The following MTG2 variants were observed in gnomAD, a reference collection of about 807,000 sequenced individuals.
The protein encoded by MTG2 is mitochondrial ribosome associated GTPase 2.
A neutral mutation model predicts 28.6 loss-of-function variants in MTG2; 23 were observed. That is an observed-to-expected ratio of 0.80 (90% CI 0.58 to 1.14). The LOEUF is 1.14. Ranked by LOEUF, MTG2 falls within the 50% of genes most tolerant of loss-of-function variation. The pLI is 0.00. For missense variants in MTG2, 539 were observed against 552.0 expected (o/e 0.98, Z 0.24); for synonymous variants, 260 against 251.8 (o/e 1.03, Z -0.31).
chr20:62,198,898 GA>G, intron 5 of MTG2, 46 bp downstream of exon 5: 2 of 1,609,286 alleles, frequency 1.2e-6, no homozygotes, highest in Non-Finnish European at 1.7e-6. Context: ...CTCAGCTCTA[GA>G]AAATCCACTT....
intron 3 of MTG2, 26 bp from the exon 4 acceptor site, chr20:62,197,826 G>A: frequency 6.2e-7 from 1 of 1,602,600 alleles, no homozygotes; most frequent in Non-Finnish European, 8.5e-7. Context: ...AACACAAAGG[G>A]ACTGAGATTC....
intron 3 of MTG2, chr20:62,197,299 A>G: frequency 6.6e-6 from 1 of 152,200 alleles, no homozygotes; most frequent in East Asian, 1.9e-4. Context: ...TGGGAGGCTG[A>G]GGCACGAGAA....
At chr20:62,184,084 C>A (rs991490608) in intron 1 of MTG2, among the ~76,000 whole-genome samples, 1 of 152,226 alleles carries the variant, frequency 6.6e-6, no homozygotes, top group Admixed American at 6.5e-5. Context: ...TTCCGCTGGG[C>A]GCGGTGGCTC....
chr20:62,196,345 C>A, intron 3 of MTG2, among the ~76,000 whole-genome samples: 1 of 143,860 alleles, frequency 7.0e-6, no homozygotes, highest in Non-Finnish European at 1.5e-5. Flanking sequence ...GGTGACAGAG[C>A]AATACCCTAT....
At chr20:62,196,711 G>A (rs535868304) in intron 3 of MTG2, among the ~76,000 whole-genome samples, 1 of 151,724 alleles carries the variant, frequency 6.6e-6, no homozygotes, top group South Asian at 2.1e-4. Flanking sequence ...AAACCCTGAT[G>A]TATGGATATC....
intron 1 of MTG2, among the ~76,000 whole-genome samples, chr20:62,185,429 AAAT>A (rs1173416312): frequency 6.6e-6 from 1 of 151,254 alleles, no homozygotes; most frequent in African/African-American, 2.4e-5. Flanking sequence ...TAAAAATAAA[AAAT>A]AAAAAATAAA....
At chr20:62,186,394 C>A (rs760396243) in intron 1 of MTG2, among the ~76,000 whole-genome samples, 22 of 152,256 alleles carry the variant, frequency 1.4e-4, no homozygotes, top group Non-Finnish European at 2.9e-4. Context: ...TTTGGCACTA[C>A]CATAAATGGG....
intron 1 of MTG2, among the ~76,000 whole-genome samples, chr20:62,191,902 G>A (rs900336119): frequency 2.0e-5 from 3 of 152,236 alleles, no homozygotes; most frequent in Non-Finnish European, 2.9e-5. Context: ...TGTCATGAGC[G>A]GCTTGTTGAA....
At chr20:62,193,923 T>C (rs1231464671) in intron 2 of MTG2, 3 of 298,600 alleles carry the variant, frequency 1.0e-5, no homozygotes, top group Non-Finnish European at 1.9e-5. Context: ...TCCTTTCATA[T>C]GTGTGGCTAT....
intron 1 of MTG2, among the ~76,000 whole-genome samples, chr20:62,188,173 A>G (rs1190237291): frequency 6.6e-6 from 1 of 151,718 alleles, no homozygotes; most frequent in Non-Finnish European, 1.5e-5. Context: ...TTCCATTATA[A>G]TTCAGTTCAA....
At chr20:62,193,130 C>T (rs191723179) in intron 1 of MTG2, among the ~76,000 whole-genome samples, 192 of 152,280 alleles carry the variant, frequency 1.3e-3, no homozygotes, top group African/African-American at 4.5e-3. Context: ...TTGAGCGGAA[C>T]CTTGCTATTC....
intron 2 of MTG2, among the ~76,000 whole-genome samples, chr20:62,194,995 G>C (rs2058033636): frequency 6.6e-6 from 1 of 152,200 alleles, no homozygotes; most frequent in Non-Finnish European, 1.5e-5. Context: ...AGGAGATCGA[G>C]ACCATCCTGG....
Position 62,201,172 on chromosome 20 carries a change from G to T in MTG2, c.*95G>T. The T allele has an allele frequency of 7.2e-7, 1 of 1,396,596 alleles. No individual in the cohort carries two copies. The highest frequency in any genetic ancestry group is 1.5e-5 in the South Asian group (1 of 67,428). The allele number at this position is 1,396,596 out of a possible 1,614,324, so 86.5% of individuals were successfully genotyped here. The stretch of plus-strand genomic sequence containing the variant: ...ATGCATAAAGTGCCTTGTGGACACG[G>T]GGGAGTTGTGGTGCTTCTGGGTCTC... On this transcript the variant is annotated 3_prime_UTR_variant, in exon 7 of 7. Transcript: ENST00000370823.
At chr20:62,185,738 C>T (rs2057830384) in intron 1 of MTG2, among the ~76,000 whole-genome samples, 2 of 152,166 alleles carry the variant, frequency 1.3e-5, no homozygotes, top group Admixed American at 6.5e-5. Context: ...TAGATGTTAC[C>T]TCAGGGACTG....
At chr20:62,194,935 G>A (rs1386841455) in intron 2 of MTG2, among the ~76,000 whole-genome samples, 5 of 152,238 alleles carry the variant, frequency 3.3e-5, no homozygotes, top group African/African-American at 7.2e-5. Context: ...AGTGGCTCAC[G>A]CCTGTAGTCC....
chr20:62,193,869 C>A (rs568406615), intron 2 of MTG2: 1 of 515,162 alleles, frequency 1.9e-6, no homozygotes. Context: ...ACAGGCTGCT[C>A]ATTTTCCCAT....
At chr20:62,197,660 G>T in intron 3 of MTG2, 192 bp from the exon 4 acceptor site, 1 of 572,682 alleles carries the variant, frequency 1.7e-6, no homozygotes, top group Non-Finnish European at 3.1e-6. Flanking sequence ...TTTCAGAAAT[G>T]ATAGCACTTT....
chr20:62,183,257 G>A (rs2057758976), intron 1 of MTG2, among the ~76,000 whole-genome samples, 200 bp downstream of exon 1: 3 of 152,310 alleles, frequency 2.0e-5, no homozygotes, highest in Non-Finnish European at 4.4e-5. Flanking sequence ...GGAGTAGCGA[G>A]CGCTCGGGCG....
At chr20:62,195,991 C>T (rs776126533) in intron 3 of MTG2, 42 bp downstream of exon 3, 1 of 1,607,370 alleles carries the variant, frequency 6.2e-7, no homozygotes, top group South Asian at 1.1e-5. Flanking sequence ...AGGAGGGGCC[C>T]CGAGACTGCA....
Sources: allele counts gnomAD v4.1 joint callset (sites outside exome capture counted in the v4.1 genomes callset), GRCh38; gene constraint gnomAD v4.1.1; transcripts MANE v1.5; gene names NCBI Gene and HGNC (gene_info 2026-07-23, HGNC 2026-07-21).